GOLM1: variants seen among roughly 807,000 people sequenced by gnomAD.
GOLM1 encodes epididymis luminal protein 46.
In GOLM1, 31 loss-of-function variants were observed where a neutral mutation model predicts 50.5. That is an observed-to-expected ratio of 0.61 (90% CI 0.46 to 0.83). GOLM1 has a LOEUF of 0.83. Ranked by LOEUF, GOLM1 falls within the 40% of genes least tolerant of loss-of-function variation. The pLI is 0.00. For missense variants in GOLM1, 491 were observed against 501.3 expected, an observed-to-expected ratio of 0.98 and a Z score of 0.20; for synonymous variants, 178 against 192.8, an observed-to-expected ratio of 0.92 and a Z score of 0.64.
rs1248105215 is a variant in GOLM1, at chr9:86,026,363, G to A, written c.*1454C>T. 14 of 985,114 alleles carry A rather than the reference G, an allele frequency of 1.4e-5. No homozygotes were observed. Among genetic ancestry groups the A allele is most frequent in the Non-Finnish European group, 1.7e-5 (14 of 829,824 alleles). The allele number at this position is 985,114 out of a possible 1,614,324, so 61.0% of individuals were successfully genotyped here. The stretch of plus-strand genomic sequence containing the variant: ...GGGAAAGTTTAACCTTAGTGACTAA[G>A]GACATCACATATGAAGAATGTTTAA... On this transcript the variant is annotated 3_prime_UTR_variant, in exon 10 of 10. Transcript: ENST00000388712.
chr9:86,082,035 T>G lies in GOLM1; in HGVS notation c.-21-2694A>C, dbSNP rs552793916. Reference sequence around the variant, plus strand: ...GCATCACCTGGGACACTTTTTTTTTTTTTTTTTTTTTGAGATGGAGTCTCT... The same window carrying G: ...GCATCACCTGGGACACTTTTTTTTTGTTTTTTTTTTTGAGATGGAGTCTCT... On this transcript the variant is annotated intron_variant, in intron 1 of 9. Coordinates refer to ENST00000388712, the MANE Select transcript of GOLM1 (RefSeq NM_016548.4). Among the ~76,000 whole-genome samples, 5 of 131,194 alleles carry G rather than the reference T, an allele frequency of 3.8e-5. No homozygotes were observed. The South Asian group carries it at 1.3e-3, about 34-fold the overall frequency. The allele number at this position is 131,194 out of a possible 152,430, so 86.1% of individuals were successfully genotyped here.
intron 4 of GOLM1, among the ~76,000 whole-genome samples, chr9:86,047,112 A>G (rs575467103): frequency 7.1e-6 from 1 of 141,716 alleles, no homozygotes; most frequent in Non-Finnish European, 1.5e-5. Flanking sequence ...CCCTGTGCCC[A>G]TTTAATCAAC....
intron 4 of GOLM1, 65 bp from the exon 5 acceptor site, chr9:86,046,637 T>C (rs1833554843): frequency 1.1e-6 from 1 of 930,924 alleles, no homozygotes; most frequent in Non-Finnish European, 1.7e-6. Flanking sequence ...TCAGCCAAAA[T>C]ATGACAGAGG....
intron 3 of GOLM1, among the ~76,000 whole-genome samples, chr9:86,053,629 CTA>C (rs1564347499): frequency 1.8e-4 from 14 of 78,640 alleles, no homozygotes; most frequent in Non-Finnish European, 3.2e-4. Flanking sequence ...CCAAACATCA[CTA>C]CAAAACACAC....
Position 86,027,560 on chromosome 9 carries a change from G to A in GOLM1, c.*257C>T, listed in dbSNP as rs1368304217. On this transcript the variant is annotated 3_prime_UTR_variant, in exon 10 of 10. Transcript: ENST00000388712. ...TGAAGGAGAACTATGTTCCAGTTTT[G>A]GTGTTGAACTTCTCACGAAATACCT... is the stretch of plus-strand genomic sequence containing the variant. 4.0e-6 allele frequency: 5 copies of A among 1,257,144 alleles called. No homozygotes were observed. The allele number at this position is 1,257,144 out of a possible 1,614,324, so 77.9% of individuals were successfully genotyped here.
At chr9:86,069,481 T>C (rs1187542184) in intron 3 of GOLM1, among the ~76,000 whole-genome samples, 1 of 152,164 alleles carries the variant, frequency 6.6e-6, no homozygotes, top group Non-Finnish European at 1.5e-5. Flanking sequence ...GGCAGCTCAA[T>C]CCCCAAGAAC....
At chr9:86,082,317 T>TGC (rs1834810090) in intron 1 of GOLM1, among the ~76,000 whole-genome samples, 5 of 151,060 alleles carry the variant, frequency 3.3e-5, no homozygotes, top group Non-Finnish European at 1.5e-5. Context: ...TGAGCCACCG[T>TGC]GCCCAGCCTG....
At chr9:86,085,239 G>A (rs1269157283) in intron 1 of GOLM1, among the ~76,000 whole-genome samples, 2 of 152,152 alleles carry the variant, frequency 1.3e-5, no homozygotes, top group Non-Finnish European at 2.9e-5. Context: ...GTACAAATGA[G>A]TGTCTTTTCA....
intron 7 of GOLM1, among the ~76,000 whole-genome samples, chr9:86,035,866 C>CAAAAAAAAAAAAAAAAAAAAAAAA (rs1276980708): frequency 2.1e-5 from 1 of 46,740 alleles, no homozygotes; most frequent in African/African-American, 9.2e-5. Flanking sequence ...AGTAGCTTAC[C>CAAAAAAAAAAAAAAAAAAAAAAAA]AAAAAAAAAA....
chr9:86,055,889 A>G (rs748914309), intron 3 of GOLM1, among the ~76,000 whole-genome samples: 8 of 152,198 alleles, frequency 5.3e-5, no homozygotes, highest in Non-Finnish European at 1.2e-4. Flanking sequence ...CCTTCACATC[A>G]CTGATCTGTA....
At chr9:86,093,652 C>T (rs1194786402) in intron 1 of GOLM1, among the ~76,000 whole-genome samples, 1 of 151,710 alleles carries the variant, frequency 6.6e-6, no homozygotes, top group Non-Finnish European at 1.5e-5. Flanking sequence ...AAAATTCAAC[C>T]TATTGGTTAA....
chr9:86,048,078 G>A (rs1033319166), intron 4 of GOLM1, among the ~76,000 whole-genome samples: 1 of 130,980 alleles, frequency 7.6e-6, no homozygotes, highest in African/African-American at 3.0e-5. Context: ...CTGTGTCCAT[G>A]TGTTCTCATT....
chr9:86,085,449 T>G (rs1297213868), intron 1 of GOLM1, among the ~76,000 whole-genome samples: 1 of 101,784 alleles, frequency 9.8e-6, no homozygotes, highest in Non-Finnish European at 1.8e-5. Flanking sequence ...TGCCCAAAGT[T>G]TTTGTTTTTT....
chr9:86,026,327 C>G lies in GOLM1; in HGVS notation c.*1490G>C, dbSNP rs982082155. On this transcript the variant is annotated 3_prime_UTR_variant, in exon 10 of 10. Transcript: ENST00000388712. ...TACTCTAAGATTTTATCTAAGTTGC[C>G]TTTTCTGGGTGGGAAAGTTTAACCT... The G allele has an allele frequency of 1.0e-6, 1 of 984,916 alleles. No individual in the cohort carries two copies. Among genetic ancestry groups the G allele is most frequent in the African/African-American group, 1.7e-5 (1 of 57,198 alleles). The allele number at this position is 984,916 out of a possible 1,614,324, so 61.0% of individuals were successfully genotyped here.
chr9:86,052,011 CCTCCTGTCA>C (rs1426664471), intron 4 of GOLM1, among the ~76,000 whole-genome samples: 1 of 151,942 alleles, frequency 6.6e-6, no homozygotes, highest in Non-Finnish European at 1.5e-5. Context: ...CCCTGCTGAC[CCTCCTGTCA>C]CTCCTGTCAC....
chr9:86,057,662 C>T (rs1429900750), intron 3 of GOLM1, among the ~76,000 whole-genome samples: 4 of 152,178 alleles, frequency 2.6e-5, no homozygotes, highest in African/African-American at 4.8e-5. Context: ...TCAGGGCTCC[C>T]GGCTGGAAGC....
In GOLM1 at chr9:86,027,587, C is replaced by T. The variant is rs954251474; in HGVS notation, c.*230G>A. 3.8e-6 allele frequency: 5 copies of T among 1,307,020 alleles called. No individual in the cohort carries two copies. The highest frequency in any genetic ancestry group is 4.9e-6 in the Non-Finnish European group (5 of 1,030,782). The allele number at this position is 1,307,020 out of a possible 1,614,324, so 81.0% of individuals were successfully genotyped here. On this transcript the variant is annotated 3_prime_UTR_variant, in exon 10 of 10. Coordinates refer to ENST00000388712, the MANE Select transcript of GOLM1 (RefSeq NM_016548.4). The stretch of plus-strand genomic sequence containing the variant: ...TGTTGAACTTCTCACGAAATACCTA[C>T]TACCAAAAATTGTGACACCTTATTA...
At chr9:86,033,012 G>GA (rs952753104) in intron 9 of GOLM1, among the ~76,000 whole-genome samples, 1 of 152,156 alleles carries the variant, frequency 6.6e-6, no homozygotes, top group African/African-American at 2.4e-5. Context: ...AAATGTCACT[G>GA]AAAAATCATC....
rs554712564 is a variant in GOLM1, at chr9:86,048,923, TG to T, written c.365-2352del. ...TTTTGGCTTCTGTTGCCATTGCTTT[TG>T]GTGTTTTAGACACGAAGTCCTTGCC... is the stretch of plus-strand genomic sequence containing the variant. On this transcript the variant is annotated intron_variant, in intron 4 of 9. Transcript: ENST00000388712. Among the ~76,000 whole-genome samples the T allele has an allele frequency of 1.3e-3, 191 of 152,358 alleles. 1 individual carries two copies. In the South Asian group the frequency reaches 0.014, roughly 11 times the overall value.
Sources: gnomAD v4.1 joint callset for allele counts (sites outside exome capture counted in the v4.1 genomes callset) on GRCh38, gnomAD v4.1.1 for gene constraint, MANE v1.5 for transcripts, NCBI Gene and HGNC (gene_info 2026-07-23, HGNC 2026-07-21) for gene names.